Variants in PLXNA1 observed in about 807,000 individuals in gnomAD.
The protein encoded by PLXNA1 is plexin A1.
A neutral mutation model predicts 191.7 loss-of-function variants in PLXNA1; 77 were observed. The observed-to-expected ratio is 0.40, with a 90% confidence interval of 0.33 to 0.49. The LOEUF (loss-of-function observed/expected upper bound fraction) is 0.49, where lower values mean the gene tolerates loss of function less well. PLXNA1 is among the 20% of genes least tolerant of loss of function. PLXNA1 has a pLI of 0.63. For synonymous variants in PLXNA1, 1,137 were observed against 1,156.4 expected (o/e 0.98, Z 0.34); for missense variants, 2,110 against 2,660.2 (o/e 0.79, Z 4.55).
chr3:127,015,172 C>T lies in PLXNA1; in HGVS notation c.2878-12C>T. 1 of 1,603,392 alleles carries T rather than the reference C, an allele frequency of 6.2e-7. No individual in the cohort carries two copies. The stretch of plus-strand genomic sequence containing the variant: ...TTTCCTGAGAGTTTCAGCAAGTTCC[C>T]TCTTCCTGCAGACACCAACCTTCTA... On this transcript the variant is annotated splice_polypyrimidine_tract_variant and intron_variant, in intron 14 of 31. Coordinates refer to ENST00000393409, the MANE Select transcript of PLXNA1 (RefSeq NM_032242.4).
Position 127,014,228 on chromosome 3 carries a change from C to T in PLXNA1, c.2457C>T (p.Cys819=), listed in dbSNP as rs2079110004. 1 of 1,607,112 alleles carries T rather than the reference C, an allele frequency of 6.2e-7. No homozygotes were observed. Among genetic ancestry groups the T allele is most frequent in the South Asian group, 1.1e-5 (1 of 90,750 alleles). Residue 819 remains cysteine, a synonymous_variant, in exon 12 of 32, where the codon TGC becomes TGT. Coordinates refer to ENST00000393409, the MANE Select transcript of PLXNA1 (RefSeq NM_032242.4). ...CCCTGCGCGAGAGCTGCGGCCTCTG[C>T]CTCAAGGCCGACCCGCGCTTCGAGT... ...CPALRESCGL[C]LKADPRFECG...
Position 127,023,169 on chromosome 3 carries a change from TCCA to T in PLXNA1, c.4362+357_4362+359del, listed in dbSNP as rs766068642. ...GCCTGGGGGTGCCTGAAGGCTCCAG[TCCA>T]CCACCTGTCATGGGGACAGGTGACC... is the stretch of plus-strand genomic sequence containing the variant. On this transcript the variant is annotated intron_variant, in intron 23 of 31. Coordinates refer to ENST00000393409, the MANE Select transcript of PLXNA1 (RefSeq NM_032242.4). Among the ~76,000 whole-genome samples, 35 of 152,264 alleles carry T rather than the reference TCCA, an allele frequency of 2.3e-4. 1 individual carries two copies. The South Asian group carries it at 7.3e-3, about 32-fold the overall frequency.
At chr3:126,986,931 AG>A (rs907914134) in intron 1 of PLXNA1, among the ~76,000 whole-genome samples, 6 of 152,262 alleles carry the variant, frequency 3.9e-5, no homozygotes, top group Admixed American at 3.9e-4. Context: ...AGACCATACA[AG>A]GGGTGTCTGG....
chr3:127,005,952 C>A, intron 7 of PLXNA1, 127 bp from the exon 8 acceptor site: 1 of 742,830 alleles, frequency 1.3e-6, no homozygotes, highest in Non-Finnish European at 2.5e-6. Context: ...GGGCTGGATG[C>A]GTGTTTGATG....
intron 15 of PLXNA1, 104 bp from the exon 16 acceptor site, chr3:127,016,413 C>G (rs1233029255): frequency 2.0e-6 from 2 of 988,830 alleles, no homozygotes; most frequent in African/African-American, 3.2e-5. Context: ...CAAGGCAGTA[C>G]CTGTGACAGA....
rs1369509323 is a variant in PLXNA1 at position 126,998,622 on chromosome 3, G to A, written c.1378-4708G>A. 6.6e-5 allele frequency among the ~76,000 whole-genome samples: 10 copies of A among 152,234 alleles called. No individual in the cohort carries two copies. The East Asian group carries it at 1.9e-3, about 29-fold the overall frequency. Reference sequence around the variant, plus strand: ...CTGTGCACATCTGCCCCACAGCAGGGCCAAGCACTTCCCCTTTGGAACCAT... The same window carrying A: ...CTGTGCACATCTGCCCCACAGCAGGACCAAGCACTTCCCCTTTGGAACCAT... On this transcript the variant is annotated intron_variant, in intron 3 of 31. Transcript: ENST00000393409.
chr3:127,028,326 C>G lies in PLXNA1; in HGVS notation c.4655C>G (p.Ala1552Gly). 2 of 1,611,236 alleles carry G rather than the reference C, an allele frequency of 1.2e-6. No individual in the cohort carries two copies. The highest frequency in any genetic ancestry group is 1.7e-6 in the Non-Finnish European group (2 of 1,179,608). ...GVPYSQRPKA[A>G]DMDLEWRQGR... ...CCCTACTCCCAGCGGCCCAAGGCCG[C>G]GGACATGGACCTGGGTGAGCGGGCG... is the stretch of plus-strand genomic sequence containing the variant. Residue 1552 changes from alanine to glycine, a missense_variant, in exon 25 of 32, where the codon GCG (alanine) becomes GGG (glycine). By Grantham distance (60) the Ala-to-Gly change is moderately conservative (BLOSUM62 0). This residue lies in a region of PLXNA1 where 559 missense variants were observed against 911.5 expected (regional missense o/e 0.61). Transcript: ENST00000393409.
intron 10 of PLXNA1, among the ~76,000 whole-genome samples, chr3:127,013,564 A>G (rs2079106276): frequency 6.6e-6 from 1 of 152,158 alleles, no homozygotes; most frequent in South Asian, 2.1e-4. Flanking sequence ...TGCACCTGAC[A>G]GTGATTTTGC....
intron 9 of PLXNA1, among the ~76,000 whole-genome samples, chr3:127,008,977 G>A (rs545118338): frequency 7.5e-4 from 114 of 152,278 alleles, no homozygotes; most frequent in South Asian, 7.3e-3. Flanking sequence ...ACAGTGGGGC[G>A]CTTCTCTGGG....
Position 127,029,092 on chromosome 3 carries a change from A to G in PLXNA1, c.4769A>G (p.Tyr1590Cys). Residue 1590 changes from tyrosine to cysteine, a missense_variant, in exon 26 of 32, where the codon TAC becomes TGC. By Grantham distance (194) the Tyr-to-Cys change is radical (BLOSUM62 -2). Transcript: ENST00000393409. The part of the protein sequence containing the change: ...DWKRLNTLAH[Y>C]QVTDGSSVAL... ...AAGAGGCTGAACACACTGGCTCACTACCAGGTGGCTCCCGGCCCTCCGACC... is the reference window on the plus strand; with the variant it reads ...AAGAGGCTGAACACACTGGCTCACTGCCAGGTGGCTCCCGGCCCTCCGACC... 1 of 1,613,208 alleles carries G rather than the reference A, an allele frequency of 6.2e-7. No individual in the cohort carries two copies. Among genetic ancestry groups the G allele is most frequent in the South Asian group, 1.1e-5 (1 of 91,062 alleles).
intron 3 of PLXNA1, 70 bp from the exon 4 acceptor site, chr3:127,003,260 T>C: frequency 6.7e-7 from 1 of 1,483,796 alleles, no homozygotes; most frequent in South Asian, 1.4e-5. Flanking sequence ...ACCCCTGACC[T>C]TCTGTGGGGG....
Position 126,988,759 on chromosome 3 carries a change from G to T in PLXNA1, c.166G>T (p.Val56Leu). The change falls in exon 2 of 32, where the codon GTG becomes TTG. Residue 56 changes from valine to leucine, a missense_variant. This residue lies in a region of PLXNA1 where 903 missense variants were observed against 1,015.7 expected (regional missense o/e 0.89). Coordinates refer to ENST00000393409, the MANE Select transcript of PLXNA1 (RefSeq NM_032242.4). ...ASDWGLTHLV[V>L]HEQTGEVYVG... ...CGACTGGGGCCTCACCCACCTAGTG[G>T]TGCATGAGCAGACAGGCGAGGTGTA... 1 of 1,600,950 alleles carries T rather than the reference G, an allele frequency of 6.2e-7. No homozygotes were observed. Among genetic ancestry groups the T allele is most frequent in the Non-Finnish European group, 8.5e-7 (1 of 1,172,466 alleles).
At position 127,005,016 on chromosome 3, in the gene PLXNA1, T is replaced by C. The variant is rs755963552; in HGVS notation, c.1743+8T>C. 6.2e-7 allele frequency: 1 copy of C among 1,608,732 alleles called. No homozygotes were observed. Among genetic ancestry groups the C allele is most frequent in the Non-Finnish European group, 8.5e-7 (1 of 1,176,902 alleles). ...ACCATGTCCCAGGTCCCAGTAAGTG[T>C]GGCACCCCAGGTGGTAAGGGGTGGG... On this transcript the variant is annotated splice_region_variant and intron_variant, in intron 6 of 31. Coordinates refer to ENST00000393409, the MANE Select transcript of PLXNA1 (RefSeq NM_032242.4).
In PLXNA1 at chr3:127,028,101, C is replaced by A; in HGVS notation, c.4509+15C>A. 1 of 1,613,882 alleles carries A rather than the reference C, an allele frequency of 6.2e-7. No homozygotes were observed. The highest frequency in any genetic ancestry group is 8.5e-7 in the Non-Finnish European group (1 of 1,180,014). ...ACAAGACACTGGTGAGCGTGGCTGC[C>A]CTCTGTCCTGGGTGCCCTGGTGCCC... On this transcript the variant is annotated intron_variant, in intron 24 of 31. Transcript: ENST00000393409.
intron 9 of PLXNA1, among the ~76,000 whole-genome samples, chr3:127,011,205 C>T (rs1180951416): frequency 1.3e-5 from 2 of 152,242 alleles, no homozygotes; most frequent in African/African-American, 2.4e-5. Context: ...GCCCTAGCTG[C>T]AAGGTGCCAC....
chr3:127,027,675 G>A lies in PLXNA1; in HGVS notation c.4363-265G>A, dbSNP rs534741376. On this transcript the variant is annotated intron_variant, in intron 23 of 31. Coordinates refer to ENST00000393409, the MANE Select transcript of PLXNA1 (RefSeq NM_032242.4). ...TCCCGCGTGCCACGCCATGTTCCTC[G>A]ATACACTACTGCGCCTCCTGGCTCA... 37 of 621,586 alleles carry A rather than the reference G, an allele frequency of 6.0e-5. 1 individual carries two copies. The highest frequency in any genetic ancestry group is 5.0e-4 in the South Asian group (33 of 66,054). 38.5% of individuals were successfully genotyped at this position (621,586 alleles called of 1,614,324 possible). A position where few individuals can be genotyped will look rare whatever the true frequency, so the allele number is the denominator to read the frequency against.
intron 3 of PLXNA1, 42 bp from the exon 4 acceptor site, chr3:127,003,288 A>C: frequency 6.5e-7 from 1 of 1,532,326 alleles, no homozygotes; most frequent in Non-Finnish European, 8.8e-7. Context: ...TGGGTCAGGG[A>C]GGTATCAGCA....
At chr3:127,033,069 G>A (rs993003779) in intron 31 of PLXNA1, among the ~76,000 whole-genome samples, 1 of 152,258 alleles carries the variant, frequency 6.6e-6, no homozygotes, top group Admixed American at 6.5e-5. Flanking sequence ...GGGGTCAGGG[G>A]TGGGGAAGAT....
At chr3:126,990,813 C>T (rs989888122) in intron 2 of PLXNA1, among the ~76,000 whole-genome samples, 2 of 152,210 alleles carry the variant, frequency 1.3e-5, no homozygotes, top group Non-Finnish European at 2.9e-5. Flanking sequence ...GTTTTCTCTG[C>T]ACCATACAGA....
Sources: gnomAD v4.1 joint callset for allele counts (sites outside exome capture counted in the v4.1 genomes callset) on GRCh38, gnomAD v4.1.1 for gene constraint, gnomAD v4.1.1 regional missense constraint, MANE v1.5 for transcripts, NCBI Gene and HGNC (gene_info 2026-07-23, HGNC 2026-07-21) for gene names.